Variants in PRKCZ observed in about 807,000 individuals in gnomAD.
PRKCZ encodes protein kinase C zeta type.
Under a neutral mutation model 79.5 loss-of-function variants are expected in PRKCZ, and 33 were observed. The observed-to-expected ratio is 0.41, with a 90% CI of 0.31 to 0.55. The LOEUF (loss-of-function observed/expected upper bound fraction) is 0.55. Among genes scored for constraint, PRKCZ ranks in the 20% least tolerant of loss-of-function variants. The pLI, the probability that PRKCZ is intolerant of heterozygous loss-of-function variation, is 0.19. For synonymous variants in PRKCZ, 342 were observed against 320.9 expected (o/e 1.07, Z -0.70); for missense variants, 578 against 813.5 (o/e 0.71, Z 3.52).
At chr1:2,050,945 C>G (rs986330106) in intron 1 of PRKCZ, 2 of 370,586 alleles carry the variant, frequency 5.4e-6, no homozygotes, top group African/African-American at 4.2e-5. Flanking sequence ...CCGCGAGCTC[C>G]TCGGCCCGGT....
At chr1:2,102,625 C>CAT (rs1343353772) in intron 4 of PRKCZ, among the ~76,000 whole-genome samples, 1 of 152,186 alleles carries the variant, frequency 6.6e-6, no homozygotes, top group Non-Finnish European at 1.5e-5. Context: ...AGCCACCGTG[C>CAT]CCGGCCCTCG....
chr1:2,184,476 C>A, intron 16 of PRKCZ, 107 bp from the exon 17 acceptor site: 1 of 770,168 alleles, frequency 1.3e-6, no homozygotes, highest in South Asian at 1.8e-5. Flanking sequence ...GATTGAAATG[C>A]TGACTTTCTC....
chr1:2,169,797 C>CG (rs1165916631), intron 11 of PRKCZ, among the ~76,000 whole-genome samples, 193 bp downstream of exon 11: 322 of 4,324 alleles, frequency 0.074, 2 homozygotes, highest in Admixed American at 0.15. Context: ...ATGACGGGGG[C>CG]GGGGGGGGCG....
At chr1:2,097,176 TC>T (rs1354496814) in intron 4 of PRKCZ, among the ~76,000 whole-genome samples, 3 of 152,172 alleles carry the variant, frequency 2.0e-5, no homozygotes, top group African/African-American at 7.2e-5. Flanking sequence ...GCAAAGCAGT[TC>T]ATTAGGACCA....
chr1:2,113,170 C>T (rs1028098003), intron 4 of PRKCZ, among the ~76,000 whole-genome samples: 8 of 152,240 alleles, frequency 5.3e-5, no homozygotes, highest in Non-Finnish European at 8.8e-5. Flanking sequence ...GGGGATCCCT[C>T]CAGGGTCTCA....
chr1:2,095,706 T>G (rs1382005101), intron 4 of PRKCZ, among the ~76,000 whole-genome samples: 2 of 107,336 alleles, frequency 1.9e-5, no homozygotes, highest in African/African-American at 3.6e-5. Context: ...ACAGCTCCCC[T>G]CCCCTCCCCT....
At chr1:2,124,381 G>C (rs1289033701) in intron 4 of PRKCZ, among the ~76,000 whole-genome samples, 1 of 122,418 alleles carries the variant, frequency 8.2e-6, no homozygotes, top group Non-Finnish European at 1.7e-5. Context: ...CGGCGGTTAG[G>C]GTCACGGCGG....
intron 9 of PRKCZ, among the ~76,000 whole-genome samples, chr1:2,151,415 C>T (rs960341072): frequency 3.9e-5 from 6 of 152,248 alleles, no homozygotes; most frequent in African/African-American, 9.6e-5. Context: ...GATACGTTGC[C>T]TTCCAGCAGA....
chr1:2,100,363 C>A (rs1359351252), intron 4 of PRKCZ, among the ~76,000 whole-genome samples: 4 of 152,280 alleles, frequency 2.6e-5, no homozygotes, highest in Non-Finnish European at 5.9e-5. Flanking sequence ...AGCCAGACCT[C>A]TGTCTGTCCC....
intron 4 of PRKCZ, among the ~76,000 whole-genome samples, chr1:2,119,294 A>G (rs1671386378): frequency 1.4e-5 from 2 of 146,678 alleles, no homozygotes; most frequent in South Asian, 4.3e-4. Flanking sequence ...GGCTCACTGC[A>G]ACCTCCACCT....
chr1:2,140,465 C>T (rs1339989929), intron 5 of PRKCZ, among the ~76,000 whole-genome samples: 2 of 151,970 alleles, frequency 1.3e-5, no homozygotes, highest in Non-Finnish European at 2.9e-5. Context: ...CCAGCCTGGT[C>T]AACATAGTGA....
intron 4 of PRKCZ, among the ~76,000 whole-genome samples, chr1:2,071,064 G>A (rs995527973): frequency 6.6e-6 from 1 of 152,168 alleles, no homozygotes. Context: ...CTGGGCGTGC[G>A]ACCTGGGCAA....
chr1:2,171,979 T>C (rs903638689), intron 11 of PRKCZ, 76 bp from the exon 12 acceptor site: 3 of 1,505,666 alleles, frequency 2.0e-6, no homozygotes, highest in Non-Finnish European at 1.8e-6. Context: ...AACGGGAGTG[T>C]GTGGCCCCCA....
At chr1:2,089,193 A>C (rs1012954083) in intron 4 of PRKCZ, among the ~76,000 whole-genome samples, 49 of 151,056 alleles carry the variant, frequency 3.2e-4, no homozygotes, top group African/African-American at 1.2e-3. Flanking sequence ...CCTGTTCGCG[A>C]GGTCCCTGGG....
chr1:2,109,772 G>T (rs1297498155), intron 4 of PRKCZ, among the ~76,000 whole-genome samples: 4 of 152,198 alleles, frequency 2.6e-5, no homozygotes, highest in Non-Finnish European at 5.9e-5. Flanking sequence ...TGAGGTCCAG[G>T]CCATGGGCCT....
Position 2,174,454 on chromosome 1 carries a change from C to T in PRKCZ, c.1406-300C>T, listed in dbSNP as rs1019586400. Among the ~76,000 whole-genome samples the T allele has an allele frequency of 2.6e-5, 4 of 152,362 alleles. No homozygotes were observed. Among genetic ancestry groups the T allele is most frequent in the African/African-American group, 7.2e-5 (3 of 41,598 alleles). ...TGGGATCTGGGAACGCGGCTGTCTC[C>T]GCGGTGCCCTCTGGTGGCCAGCCTG... On this transcript the variant is annotated intron_variant, in intron 14 of 17. Transcript: ENST00000378567. The surrounding 1 kb of genome is among the most constrained non-coding windows in gnomAD (Gnocchi z 6.2).
chr1:2,163,064 G>A (rs764127913), intron 10 of PRKCZ, among the ~76,000 whole-genome samples: 2 of 152,216 alleles, frequency 1.3e-5, no homozygotes, highest in Admixed American at 6.5e-5. Context: ...AGGTCGTGCC[G>A]TCTCTGTTCA....
At chr1:2,166,021 C>T (rs546183952) in intron 10 of PRKCZ, among the ~76,000 whole-genome samples, 3 of 152,324 alleles carry the variant, frequency 2.0e-5, no homozygotes, top group East Asian at 1.9e-4. Context: ...GGACTGGATC[C>T]GGCTGCGGTC....
chr1:2,148,839 G>A (rs1290859152), intron 7 of PRKCZ, 33 bp from the exon 8 acceptor site: 16 of 1,609,958 alleles, frequency 9.9e-6, no homozygotes, highest in South Asian at 4.4e-5. Context: ...TGACCACACC[G>A]TAACGCCCCT....
Sources: allele counts gnomAD v4.1 joint callset (sites outside exome capture counted in the v4.1 genomes callset), GRCh38; gene constraint gnomAD v4.1.1; non-coding constraint Gnocchi (gnomAD v3.1); transcripts MANE v1.5; gene names NCBI Gene and HGNC (gene_info 2026-07-23, HGNC 2026-07-21).